SLC25A46: variants seen among roughly 807,000 people sequenced by gnomAD.
The protein encoded by SLC25A46 is solute carrier family 25 member 46, also known as mitochondrial outer membrane protein SLC25A46.
In SLC25A46, 39 loss-of-function variants were observed where a neutral mutation model predicts 44.6. That is an observed-to-expected ratio of 0.87 (90% CI 0.68 to 1.14). The LOEUF (loss-of-function observed/expected upper bound fraction) is 1.14. Among genes scored for constraint, SLC25A46 ranks in the 50% most tolerant of loss-of-function variants. SLC25A46 has a pLI of 0.00. For synonymous variants in SLC25A46, 202 were observed against 185.8 expected, an observed-to-expected ratio of 1.09 and a Z score of -0.71; for missense variants, 547 against 522.7, an observed-to-expected ratio of 1.05 and a Z score of -0.45.
Position 110,756,707 on chromosome 5 carries a change from C to T in SLC25A46, c.626C>T (p.Thr209Ile), listed in dbSNP as rs752217990. Reference sequence around the variant, plus strand: ...ATTTGTTTTAATTTCTATAGCCTAACTTACGTGGTGGCAATGCCTTTTTAT... The same window carrying T: ...ATTTGTTTTAATTTCTATAGCCTAATTTACGTGGTGGCAATGCCTTTTTAT... ...IGEHLLLKSL[T>I]YVVAMPFYSA... The change falls in exon 7 of 8, where the codon ACT becomes ATT. Residue 209 changes from threonine to isoleucine, a missense_variant. Transcript: ENST00000355943. The T allele has an allele frequency of 1.1e-5, 17 of 1,573,442 alleles. No individual in the cohort carries two copies. The highest frequency in any genetic ancestry group is 1.3e-5 in the Non-Finnish European group (15 of 1,165,642).
At position 110,761,132 on chromosome 5, in the gene SLC25A46, TA is replaced by T; in HGVS notation, c.679-67del. 1.6e-6 allele frequency: 2 copies of T among 1,220,552 alleles called. No homozygotes were observed. Among genetic ancestry groups the T allele is most frequent in the Non-Finnish European group, 2.3e-6 (2 of 862,830 alleles). The allele number at this position is 1,220,552 out of a possible 1,614,324, so 75.6% of individuals were successfully genotyped here. ...ACTATGTTAGGATTTAAAAGGAACCTAAAAAGAGTCCTTTTTCTGTGGCAAA... is the reference window on the plus strand; with the variant it reads ...ACTATGTTAGGATTTAAAAGGAACCTAAAAGAGTCCTTTTTCTGTGGCAAA... On this transcript the variant is annotated intron_variant, in intron 7 of 7. Coordinates refer to ENST00000355943, the MANE Select transcript of SLC25A46 (RefSeq NM_138773.4). This position sits in a 1 kb window ranked among gnomAD's most constrained non-coding sequence, Gnocchi z 5.3.
Position 110,764,828 on chromosome 5 carries a change from C to A in SLC25A46, c.*3046C>A, listed in dbSNP as rs1461466678. On this transcript the variant is annotated 3_prime_UTR_variant, in exon 8 of 8. Transcript: ENST00000355943. ...CAAAATTTATATAAGCAAATAAGAT[C>A]TCTTGGTAACAATTGACATTGCACT... 1.3e-5 allele frequency: 2 copies of A among 151,960 alleles called. No homozygotes were observed. Among genetic ancestry groups the A allele is most frequent in the Non-Finnish European group, 2.9e-5 (2 of 67,912 alleles). The allele number at this position is 151,960 out of a possible 1,614,324, so 9.4% of individuals were successfully genotyped here. A position where few individuals can be genotyped will look rare whatever the true frequency, so the allele number is the denominator to read the frequency against.
In SLC25A46 at chr5:110,739,026, GCGGCGGCCGACGGGAAGCTGT is replaced by G; in HGVS notation, c.-93_-73del. The G allele has an allele frequency of 6.7e-7, 1 of 1,487,956 alleles. No homozygotes were observed. The highest frequency in any genetic ancestry group is 8.9e-7 in the Non-Finnish European group (1 of 1,127,974). 92.2% of individuals were successfully genotyped at this position (1,487,956 alleles called of 1,614,324 possible). ...GTTGTCAGAATTTACCCCTGACGCG[GCGGCGGCCGACGGGAAGCTGT>G]GTGTGCTTAGGTCGTGGTGGCCCCG... On this transcript the variant is annotated 5_prime_UTR_variant, in exon 1 of 8. Coordinates refer to ENST00000355943, the MANE Select transcript of SLC25A46 (RefSeq NM_138773.4).
In SLC25A46 at chr5:110,763,379, CG is replaced by C. The variant is rs1365677659; in HGVS notation, c.*1598del. On this transcript the variant is annotated 3_prime_UTR_variant, in exon 8 of 8. Transcript: ENST00000355943. ...AAACAGTAATAAGTAGCAAATCTCTCGTGTGTGTGTGTGTGTAGTTACTGAA... is the reference window on the plus strand; with the variant it reads ...AAACAGTAATAAGTAGCAAATCTCTCTGTGTGTGTGTGTGTAGTTACTGAA... 6.6e-6 allele frequency: 1 copy of C among 150,760 alleles called. No individual in the cohort carries two copies. The highest frequency in any genetic ancestry group is 2.4e-5 in the African/African-American group (1 of 41,152). 9.3% of individuals were successfully genotyped at this position (150,760 alleles called of 1,614,324 possible).
In SLC25A46 at chr5:110,762,462, C is replaced by T. The variant is rs927582815; in HGVS notation, c.*680C>T. On this transcript the variant is annotated 3_prime_UTR_variant, in exon 8 of 8. Coordinates refer to ENST00000355943, the MANE Select transcript of SLC25A46 (RefSeq NM_138773.4). ...CCTTATTGCATAAAACAAAGTCACG[C>T]GCTTTCTGCTTGAACATCAAAATAT... is the stretch of plus-strand genomic sequence containing the variant. 6 of 151,778 alleles carry T rather than the reference C, an allele frequency of 4.0e-5. No homozygotes were observed. The highest frequency in any genetic ancestry group is 2.6e-4 in the Admixed American group (4 of 15,164). 9.4% of individuals were successfully genotyped at this position (151,778 alleles called of 1,614,324 possible). A position where few individuals can be genotyped will look rare whatever the true frequency, so the allele number is the denominator to read the frequency against.
At position 110,761,450 on chromosome 5, in the gene SLC25A46, A is replaced by G. The variant is rs779270642; in HGVS notation, c.925A>G (p.Met309Val). The G allele has an allele frequency of 6.2e-7, 1 of 1,613,824 alleles. No individual in the cohort carries two copies. Among genetic ancestry groups the G allele is most frequent in the Non-Finnish European group, 8.5e-7 (1 of 1,179,830 alleles). The change falls in exon 8 of 8, where the codon ATG becomes GTG. Residue 309 changes from methionine to valine, a missense_variant. By Grantham distance (21) the Met-to-Val change is conservative. Coordinates refer to ENST00000355943, the MANE Select transcript of SLC25A46 (RefSeq NM_138773.4). The surrounding 1 kb of genome is among the most constrained non-coding windows in gnomAD (Gnocchi z 5.3). ...LAESTSPVQS[M>V]LDAYFPELIA... ...TGAGAGCACTAGCCCTGTGCAGAGT[A>G]TGTTGGATGCTTATTTTCCAGAACT...
intron 5 of SLC25A46, chr5:110,753,993 T>C (rs1294393917): frequency 2.0e-5 from 3 of 151,596 alleles, no homozygotes; most frequent in Non-Finnish European, 4.4e-5. Context: ...ATCTATTTTT[T>C]ATATTTTTCG....
Position 110,763,870 on chromosome 5 carries a change from C to A in SLC25A46, c.*2088C>A, listed in dbSNP as rs1467546004. The A allele has an allele frequency of 1.3e-5, 2 of 151,756 alleles. No homozygotes were observed. The highest frequency in any genetic ancestry group is 2.4e-5 in the African/African-American group (1 of 41,378). 9.4% of individuals were successfully genotyped at this position (151,756 alleles called of 1,614,324 possible). On this transcript the variant is annotated 3_prime_UTR_variant, in exon 8 of 8. Coordinates refer to ENST00000355943, the MANE Select transcript of SLC25A46 (RefSeq NM_138773.4). ...AAAGTAAAATATGAATAATTTTTTACAACCACTCCAAATTAGTTGAAACAA... is the reference window on the plus strand; with the variant it reads ...AAAGTAAAATATGAATAATTTTTTAAAACCACTCCAAATTAGTTGAAACAA...
rs1219354159 is a variant in SLC25A46 at position 110,763,375 on chromosome 5, C to G, written c.*1593C>G. On this transcript the variant is annotated 3_prime_UTR_variant, in exon 8 of 8. Transcript: ENST00000355943. ...GTAAAAACAGTAATAAGTAGCAAAT[C>G]TCTCGTGTGTGTGTGTGTGTAGTTA... 3 of 151,004 alleles carry G rather than the reference C, an allele frequency of 2.0e-5. No homozygotes were observed. Among genetic ancestry groups the G allele is most frequent in the African/African-American group, 7.4e-5 (3 of 40,640 alleles). 9.4% of individuals were successfully genotyped at this position (151,004 alleles called of 1,614,324 possible). A position where few individuals can be genotyped will look rare whatever the true frequency, so the allele number is the denominator to read the frequency against.
intron 2 of SLC25A46, among the ~76,000 whole-genome samples, chr5:110,743,229 G>C (rs1347254572): frequency 6.6e-6 from 1 of 151,960 alleles, no homozygotes; most frequent in Non-Finnish European, 1.5e-5. Flanking sequence ...TGGTCATTAA[G>C]AATCTTATAA....
Position 110,739,199 on chromosome 5 carries a change from C to T in SLC25A46, c.80C>T (p.Ala27Val), listed in dbSNP as rs1353600541. ...CGGGACGAGCAGGGCTTTGGCGGCG[C>T]CTTCCCTGCAAGGTCCTTCAGCACC... ...GARDEQGFGG[A>V]FPARSFSTGS... The change falls in exon 1 of 8, where the codon GCC becomes GTC. Residue 27 changes from alanine (A) to valine (V), a missense_variant. Physicochemically the swap from Ala to Val is moderately conservative, Grantham distance 64 (BLOSUM62 0). Coordinates refer to ENST00000355943, the MANE Select transcript of SLC25A46 (RefSeq NM_138773.4). 6.4e-7 allele frequency: 1 copy of T among 1,561,666 alleles called. No individual in the cohort carries two copies. The highest frequency in any genetic ancestry group is 8.7e-7 in the Non-Finnish European group (1 of 1,153,226).
intron 7 of SLC25A46, among the ~76,000 whole-genome samples, chr5:110,759,383 C>T (rs1446486717): frequency 6.6e-6 from 1 of 152,110 alleles, no homozygotes; most frequent in East Asian, 1.9e-4. Flanking sequence ...TGCAAATGCC[C>T]TTACATGGGA....
chr5:110,744,391 T>TA (rs776615980), intron 3 of SLC25A46, among the ~76,000 whole-genome samples: 3 of 152,226 alleles, frequency 2.0e-5, no homozygotes, highest in Non-Finnish European at 4.4e-5. Context: ...TTTGTTACAT[T>TA]AAAAAATCCA....
In SLC25A46 at chr5:110,746,294, A is replaced by G. The variant is rs754427464; in HGVS notation, c.410A>G (p.His137Arg). Residue 137 changes from histidine (H) to arginine (R), a missense_variant, in exon 4 of 8, where the codon CAT (histidine) becomes CGT (arginine). Transcript: ENST00000355943. ...CQVNYHAQHY[H>R]LTPFTVINIM... ...GTTAATTACCATGCTCAGCATTACCATCTCACTCCATTTACAGTCATCAAT... is the reference window on the plus strand; with the variant it reads ...GTTAATTACCATGCTCAGCATTACCGTCTCACTCCATTTACAGTCATCAAT... The G allele has an allele frequency of 5.9e-5, 93 of 1,588,988 alleles. 1 individual carries two copies. Among genetic ancestry groups the G allele is most frequent in the Non-Finnish European group, 7.5e-5 (88 of 1,171,672 alleles).
intron 3 of SLC25A46, 160 bp from the exon 4 acceptor site, chr5:110,746,109 A>G: frequency 1.7e-6 from 1 of 601,574 alleles, no homozygotes; most frequent in Admixed American, 3.4e-5. Context: ...TTAATAGGTT[A>G]TTTAAAGCAC....
chr5:110,760,171 G>GCAAC (rs1463640936), intron 7 of SLC25A46, among the ~76,000 whole-genome samples: 1 of 152,116 alleles, frequency 6.6e-6, no homozygotes, highest in African/African-American at 2.4e-5. Context: ...CCTCTGGACA[G>GCAAC]CAACCTTGGG....
rs1800303388 is a variant in SLC25A46, at chr5:110,763,204, G to A, written c.*1422G>A. The A allele has an allele frequency of 6.6e-6, 1 of 151,840 alleles. No homozygotes were observed. The highest frequency in any genetic ancestry group is 6.6e-5 in the Admixed American group (1 of 15,200). The allele number at this position is 151,840 out of a possible 1,614,324, so 9.4% of individuals were successfully genotyped here. A position where few individuals can be genotyped will look rare whatever the true frequency, so the allele number is the denominator to read the frequency against. ...TCACAGTTGTATCATGAACCATTTA[G>A]CGCTCTGAAGCACAGTGACTTTGCA... On this transcript the variant is annotated 3_prime_UTR_variant, in exon 8 of 8. Coordinates refer to ENST00000355943, the MANE Select transcript of SLC25A46 (RefSeq NM_138773.4).
chr5:110,749,983 T>C (rs1799919895), intron 5 of SLC25A46, among the ~76,000 whole-genome samples: 1 of 152,174 alleles, frequency 6.6e-6, no homozygotes, highest in Admixed American at 6.5e-5. Context: ...CCAAATTTAT[T>C]CTCTGGCAAG....
Position 110,761,436 on chromosome 5 carries a change from G to T in SLC25A46, c.911G>T (p.Ser304Ile). 6.2e-7 allele frequency: 1 copy of T among 1,613,750 alleles called. No homozygotes were observed. The highest frequency in any genetic ancestry group is 8.5e-7 in the Non-Finnish European group (1 of 1,179,808). The change falls in exon 8 of 8, where the codon AGC becomes ATC. Residue 304 changes from serine (S) to isoleucine (I), a missense_variant. Physicochemically the swap from Ser to Ile is moderately radical, Grantham distance 142. Transcript: ENST00000355943. The surrounding 1 kb of genome is among the most constrained non-coding windows in gnomAD (Gnocchi z 5.3). ...AATAGCCACCTAGCTGAGAGCACTA[G>T]CCCTGTGCAGAGTATGTTGGATGCT... ...TYNSHLAESTSPVQSMLDAYF... is the reference protein window; with the variant it reads ...TYNSHLAESTIPVQSMLDAYF...
Sources: allele counts gnomAD v4.1 joint callset (sites outside exome capture counted in the v4.1 genomes callset), GRCh38; gene constraint gnomAD v4.1.1; non-coding constraint Gnocchi (gnomAD v3.1); transcripts MANE v1.5; gene names NCBI Gene and HGNC (gene_info 2026-07-23, HGNC 2026-07-21).